Variants in SERINC5 observed in about 807,000 individuals in gnomAD.
SERINC5 encodes the protein serine incorporator 5.
In SERINC5, 41 loss-of-function variants were observed where a neutral mutation model predicts 63.1. The ratio of observed to expected loss-of-function variants is 0.65; its 90% confidence interval spans 0.51 to 0.84. The LOEUF is 0.84. SERINC5 is among the 40% of genes least tolerant of loss of function. SERINC5 has a pLI of 0.00. For missense variants in SERINC5, 523 were observed against 573.0 expected (o/e 0.91, Z 0.89); for synonymous variants, 222 against 215.2 (o/e 1.03, Z -0.28).
At chr5:80,241,298 A>G (rs545439026) in intron 1 of SERINC5, among the ~76,000 whole-genome samples, 31 of 152,028 alleles carry the variant, frequency 2.0e-4, no homozygotes, top group African/African-American at 7.0e-4. Context: ...ATGAAACCCC[A>G]TCTCTACTAA....
intron 1 of SERINC5, among the ~76,000 whole-genome samples, chr5:80,211,401 T>C (rs2112514144): frequency 6.6e-6 from 1 of 152,248 alleles, no homozygotes; most frequent in Non-Finnish European, 1.5e-5. Context: ...TCAGGTTAAG[T>C]TCAATGACCC....
intron 5 of SERINC5, 83 bp downstream of exon 5, chr5:80,174,871 C>CT (rs1394842561): frequency 4.7e-6 from 4 of 859,582 alleles, no homozygotes; most frequent in Non-Finnish European, 7.2e-6. Flanking sequence ...CTGCAAATCC[C>CT]TAGCAATGCA....
intron 11 of SERINC5, chr5:80,113,646 GAA>G (rs1399813168): frequency 7.4e-6 from 2 of 268,962 alleles, no homozygotes; most frequent in African/African-American, 2.2e-5. Flanking sequence ...AGCAGCAAGA[GAA>G]AAAGAGGGAG....
Position 80,119,908 on chromosome 5 carries a change from G to A in SERINC5, c.1239-6283C>T, listed in dbSNP as rs949435794. Among the ~76,000 whole-genome samples the A allele has an allele frequency of 4.6e-5, 7 of 152,152 alleles. No homozygotes were observed. The East Asian group carries it at 1.3e-3, about 29-fold the overall frequency. ...AGCAATCAAATTATAGTCCAACCTA[G>A]GTAGGGGCTTGCTACCTAGGAGTCA... On this transcript the variant is annotated intron_variant, in intron 11 of 12. Coordinates refer to the SERINC5 transcript ENST00000509193.
rs369531893 is a variant in SERINC5, at chr5:80,205,843, G to A, written c.28-2790C>T. On this transcript the variant is annotated intron_variant, in intron 1 of 11. Transcript: ENST00000507668. Reference sequence around the variant, plus strand: ...AGCACTTTAGGAGGCCAAGGCAGGCGGATCGTGAGGTCAGGAGATCAAGAC... The same window carrying A: ...AGCACTTTAGGAGGCCAAGGCAGGCAGATCGTGAGGTCAGGAGATCAAGAC... 2.5e-4 allele frequency among the ~76,000 whole-genome samples: 38 copies of A among 152,054 alleles called. 1 individual carries two copies. Among genetic ancestry groups the A allele is most frequent in the East Asian group, 2.1e-3 (11 of 5,162 alleles).
chr5:80,206,086 G>C (rs1306697025), intron 1 of SERINC5, among the ~76,000 whole-genome samples: 2 of 151,546 alleles, frequency 1.3e-5, no homozygotes, highest in African/African-American at 4.8e-5. Flanking sequence ...CACCAGAAAG[G>C]AGTCCCTGTT....
Position 80,141,732 on chromosome 5 carries a change from A to G in SERINC5, c.*1931T>C. 1.0e-6 allele frequency: 1 copy of G among 985,500 alleles called. No homozygotes were observed. The highest frequency in any genetic ancestry group is 1.1e-4 in the East Asian group (1 of 8,800). The allele number at this position is 985,500 out of a possible 1,614,324, so 61.0% of individuals were successfully genotyped here. ...CCCCTAACTGATTCCTCAGGTTAGA[A>G]CACGGCTTTTCATTTTGCGACTCCA... On this transcript the variant is annotated 3_prime_UTR_variant, in exon 12 of 12. Coordinates refer to ENST00000507668, the MANE Select transcript of SERINC5 (RefSeq NM_001174072.3).
At chr5:80,147,214 C>G (rs189036546) in intron 10 of SERINC5, 31 bp downstream of exon 10, 5 of 1,579,394 alleles carry the variant, frequency 3.2e-6, no homozygotes, top group Non-Finnish European at 4.3e-6. Flanking sequence ...CAGTGCCACA[C>G]AGGTGCAAAG....
Position 80,141,290 on chromosome 5 carries a change from T to C in SERINC5, c.*2373A>G, listed in dbSNP as rs530505843. On this transcript the variant is annotated 3_prime_UTR_variant, in exon 12 of 12. Transcript: ENST00000507668. The stretch of plus-strand genomic sequence containing the variant: ...ATGTCACAAACCAGACTCACGCATC[T>C]GGAAAACGTTGTGTGGCTGGGCTGG... 556 of 985,414 alleles carry C rather than the reference T, an allele frequency of 5.6e-4. No individual in the cohort carries two copies. Among genetic ancestry groups the C allele is most frequent in the Non-Finnish European group, 6.5e-4 (543 of 829,934 alleles). 61.0% of individuals were successfully genotyped at this position (985,414 alleles called of 1,614,324 possible).
intron 6 of SERINC5, 37 bp from the exon 7 acceptor site, chr5:80,166,515 T>C (rs1747313739): frequency 6.9e-7 from 1 of 1,448,630 alleles, no homozygotes; most frequent in Admixed American, 2.0e-5. Context: ...AGGTTTTAAT[T>C]TGAAGAAAAA....
chr5:80,211,037 C>T (rs1359144568), intron 1 of SERINC5, among the ~76,000 whole-genome samples: 1 of 152,100 alleles, frequency 6.6e-6, no homozygotes. Context: ...TCCTGTCAAC[C>T]CTGCAAGAGG....
intron 8 of SERINC5, among the ~76,000 whole-genome samples, chr5:80,152,218 C>T (rs1746235576): frequency 6.6e-6 from 1 of 151,944 alleles, no homozygotes; most frequent in African/African-American, 2.4e-5. Flanking sequence ...AAGAGTGGCC[C>T]GGCTGGGTGT....
chr5:80,221,249 C>T (rs1750890913), intron 1 of SERINC5, among the ~76,000 whole-genome samples: 1 of 152,048 alleles, frequency 6.6e-6, no homozygotes, highest in African/African-American at 2.4e-5. Context: ...TGACATCAGC[C>T]GACAGCAGGC....
At chr5:80,125,712 T>C (rs189984373) in intron 11 of SERINC5, among the ~76,000 whole-genome samples, 2 of 152,294 alleles carry the variant, frequency 1.3e-5, no homozygotes, top group East Asian at 3.9e-4. Context: ...AGCTGGGCAG[T>C]TGCTGCATTA....
chr5:80,249,524 C>T (rs1011415343), intron 1 of SERINC5, among the ~76,000 whole-genome samples: 8 of 152,044 alleles, frequency 5.3e-5, no homozygotes, highest in African/African-American at 1.7e-4. Context: ...AAATATCGGC[C>T]GGGCACAGTG....
At chr5:80,255,144 C>CA (rs1752595128) in intron 1 of SERINC5, 1 of 152,202 alleles carries the variant, frequency 6.6e-6, no homozygotes, top group African/African-American at 2.4e-5. Context: ...CTAAGACGTA[C>CA]TAATTCTACA....
intron 1 of SERINC5, among the ~76,000 whole-genome samples, chr5:80,244,672 A>C (rs1752092253): frequency 6.6e-6 from 1 of 151,796 alleles, no homozygotes; most frequent in Non-Finnish European, 1.5e-5. Context: ...AAATACAAAA[A>C]TTAGCCGGGC....
chr5:80,179,699 T>C (rs1748292190), intron 2 of SERINC5, among the ~76,000 whole-genome samples: 1 of 152,114 alleles, frequency 6.6e-6, no homozygotes, highest in South Asian at 2.1e-4. Context: ...GGTTCCCTAA[T>C]CCAAAAAAAT....
At chr5:80,124,297 C>T (rs892244664) in intron 11 of SERINC5, among the ~76,000 whole-genome samples, 1 of 152,208 alleles carries the variant, frequency 6.6e-6, no homozygotes, top group African/African-American at 2.4e-5. Flanking sequence ...TTCTAGCTGG[C>T]CCACTTGCAG....
Sources: gnomAD v4.1 joint callset for allele counts (sites outside exome capture counted in the v4.1 genomes callset) on GRCh38, gnomAD v4.1.1 for gene constraint, MANE v1.5 for transcripts, NCBI Gene and HGNC (gene_info 2026-07-23, HGNC 2026-07-21) for gene names.